The following RFC3 variants were observed in gnomAD, a reference collection of about 807,000 sequenced individuals.
The protein encoded by RFC3 is A1 38 kDa subunit.
Under a neutral mutation model 45.1 loss-of-function variants are expected in RFC3, and 41 were observed. The observed-to-expected ratio is 0.91, with a 90% CI of 0.71 to 1.18. The LOEUF is 1.18. Among genes scored for constraint, RFC3 ranks in the 50% most tolerant of loss-of-function variants. The probability of loss-of-function intolerance (pLI) is 0.00; values close to 1 mark genes in which losing one functional copy is unlikely to be tolerated. For synonymous variants in RFC3, 149 were observed against 144.0 expected, an observed-to-expected ratio of 1.03 and a Z score of -0.25; for missense variants, 423 against 428.1, an observed-to-expected ratio of 0.99 and a Z score of 0.10.
intron 1 of RFC3, 103 bp from the exon 2 acceptor site, chr13:33,821,029 T>G: frequency 8.3e-7 from 1 of 1,201,572 alleles, no homozygotes. Context: ...ACTGGGAGTT[T>G]CATGGGTAGA....
intron 8 of RFC3, among the ~76,000 whole-genome samples, chr13:33,875,468 A>G (rs566476052): frequency 6.6e-6 from 1 of 152,350 alleles, no homozygotes. Flanking sequence ...GGTCCTTTAA[A>G]TAAACTGAAA....
At chr13:33,942,902 A>G (rs1249322279) in intron 8 of RFC3, among the ~76,000 whole-genome samples, 2 of 152,186 alleles carry the variant, frequency 1.3e-5, no homozygotes, top group African/African-American at 4.8e-5. Context: ...TTCCAATGAC[A>G]TGAAACCTTG....
At chr13:33,907,517 A>C (rs2082678933) in intron 8 of RFC3, among the ~76,000 whole-genome samples, 1 of 152,108 alleles carries the variant, frequency 6.6e-6, no homozygotes, top group Non-Finnish European at 1.5e-5. Context: ...TTCTTTAGTG[A>C]AGAAGACATC....
chr13:33,875,440 A>C (rs2082439820), intron 8 of RFC3, among the ~76,000 whole-genome samples: 1 of 152,204 alleles, frequency 6.6e-6, no homozygotes, highest in African/African-American at 2.4e-5. Context: ...CCAGAGACCC[A>C]GCAGGGAAAG....
downstream of RFC3, among the ~76,000 whole-genome samples, chr13:33,840,440 C>A (rs909095007): frequency 2.0e-5 from 3 of 152,064 alleles, no homozygotes; most frequent in Non-Finnish European, 4.4e-5. Flanking sequence ...TTATATCTGT[C>A]ATTTCTGGAT....
At chr13:33,884,315 T>C (rs1467810652) in intron 8 of RFC3, among the ~76,000 whole-genome samples, 1 of 152,214 alleles carries the variant, frequency 6.6e-6, no homozygotes, top group Admixed American at 6.5e-5. Context: ...TATATTCACT[T>C]GTCTAATAGC....
intron 8 of RFC3, among the ~76,000 whole-genome samples, chr13:33,868,714 C>CT (rs1318153849): frequency 6.6e-6 from 1 of 152,206 alleles, no homozygotes; most frequent in African/African-American, 2.4e-5. Context: ...TGCTCCCACT[C>CT]TGTGGAGTGT....
chr13:33,829,553 A>G (rs2082081819), intron 4 of RFC3: 1 of 324,528 alleles, frequency 3.1e-6, no homozygotes, highest in East Asian at 6.6e-5. Context: ...TGCCAACGCA[A>G]GGTCTCACAA....
intron 8 of RFC3, among the ~76,000 whole-genome samples, chr13:33,963,962 T>A (rs1453700262): frequency 6.6e-6 from 1 of 152,232 alleles, no homozygotes; most frequent in Non-Finnish European, 1.5e-5. Flanking sequence ...AAGAGCCACC[T>A]TCTGTCCTCT....
intron 8 of RFC3, among the ~76,000 whole-genome samples, chr13:33,926,361 TAATA>T (rs1593697522): frequency 6.6e-6 from 1 of 151,562 alleles, no homozygotes. Context: ...AGTATAATAA[TAATA>T]AATAAATAAA....
intron 8 of RFC3, among the ~76,000 whole-genome samples, chr13:33,943,641 G>A (rs2082937909): frequency 6.6e-6 from 1 of 152,114 alleles, no homozygotes. Flanking sequence ...AATAAAAGAT[G>A]TTGGATGGGG....
chr13:33,881,739 C>T lies in RFC3; in HGVS notation c.879+46522C>T, dbSNP rs545630274. 1.8e-4 allele frequency among the ~76,000 whole-genome samples: 28 copies of T among 152,266 alleles called. 1 individual carries two copies. The highest frequency in any genetic ancestry group is 1.2e-3 in the South Asian group (6 of 4,824). On this transcript the variant is annotated intron_variant, in intron 8 of 8. Coordinates refer to the RFC3 transcript ENST00000434425. ...TCCATGGCTCCAGTTCTCTCAGTCCCGTGCTTTCCTCTGCCCATCAGGCTT... is the reference window on the plus strand; with the variant it reads ...TCCATGGCTCCAGTTCTCTCAGTCCTGTGCTTTCCTCTGCCCATCAGGCTT...
intron 8 of RFC3, among the ~76,000 whole-genome samples, chr13:33,866,074 A>C (rs1367244991): frequency 1.3e-5 from 2 of 152,100 alleles, no homozygotes; most frequent in South Asian, 4.2e-4. Flanking sequence ...AAACAAAACA[A>C]AATGAAACTC....
At chr13:33,889,387 C>T (rs2082549205) in intron 8 of RFC3, among the ~76,000 whole-genome samples, 1 of 152,150 alleles carries the variant, frequency 6.6e-6, no homozygotes. Context: ...ATTTAGTAAA[C>T]AAATACCCTT....
At chr13:33,882,823 C>G (rs9570487) in intron 8 of RFC3, among the ~76,000 whole-genome samples, 1 of 152,218 alleles carries the variant, frequency 6.6e-6, no homozygotes, top group African/African-American at 2.4e-5. Flanking sequence ...TCTCATCATT[C>G]TAATTGTGTC....
chr13:33,969,731 G>A (rs117932375), downstream of RFC3, among the ~76,000 whole-genome samples: 196 of 152,072 alleles, frequency 1.3e-3, 2 homozygotes, highest in Non-Finnish European at 1.9e-3. Flanking sequence ...GGTGGTGGTG[G>A]GAGATAACTT....
chr13:33,966,763 T>C (rs1046775047), downstream of RFC3, among the ~76,000 whole-genome samples: 1 of 152,050 alleles, frequency 6.6e-6, no homozygotes, highest in African/African-American at 2.4e-5. Flanking sequence ...CCCTACAGAG[T>C]GGCATGAATT....
At chr13:33,865,487 A>AAC (rs1566007819) in intron 8 of RFC3, among the ~76,000 whole-genome samples, 1 of 152,232 alleles carries the variant, frequency 6.6e-6, no homozygotes, top group Non-Finnish European at 1.5e-5. Flanking sequence ...AAAGAGTAAC[A>AAC]GGACTTTGCT....
chr13:33,966,126 GGACCTC>G, exon 9 of RFC3: 1 of 1,609,212 alleles, frequency 6.2e-7, no homozygotes, highest in Non-Finnish European at 8.5e-7. Flanking sequence ...CATATTCTGA[GGACCTC>G]CAAAGAACAA....
Sources: gnomAD v4.1 joint callset for allele counts (sites outside exome capture counted in the v4.1 genomes callset) on GRCh38, gnomAD v4.1.1 for gene constraint, MANE v1.5 for transcripts, NCBI Gene and HGNC (gene_info 2026-07-23, HGNC 2026-07-21) for gene names.